HSD17B4: variants seen among roughly 807,000 people sequenced by gnomAD.
HSD17B4 encodes the protein hydroxysteroid 17-beta dehydrogenase 4.
A neutral mutation model predicts 101.0 loss-of-function variants in HSD17B4; 70 were observed. That is an observed-to-expected ratio of 0.69 (90% CI 0.57 to 0.85). HSD17B4 has a LOEUF of 0.85. Ranked by LOEUF, HSD17B4 falls within the 40% of genes least tolerant of loss-of-function variation. The pLI, the probability that HSD17B4 is intolerant of heterozygous loss-of-function variation, is 0.00. For synonymous variants in HSD17B4, 347 were observed against 297.1 expected (o/e 1.17, Z -1.73); for missense variants, 984 against 892.4 (o/e 1.10, Z -1.31).
In HSD17B4 at chr5:119,542,245, T is replaced by A. The variant is rs75769473; in HGVS notation, c.*251T>A. The A allele has an allele frequency of 3.1e-5, 9 of 289,600 alleles. No individual in the cohort carries two copies. 17.9% of individuals were successfully genotyped at this position (289,600 alleles called of 1,614,324 possible). A position where few individuals can be genotyped will look rare whatever the true frequency, so the allele number is the denominator to read the frequency against. ...AGATCTGTATCTTCATAATAAAAAATTTTGCCCAAGTCCTGTTTCCTTAGA... is the reference window on the plus strand; with the variant it reads ...AGATCTGTATCTTCATAATAAAAAAATTTGCCCAAGTCCTGTTTCCTTAGA... On this transcript the variant is annotated 3_prime_UTR_variant, in exon 24 of 24. Transcript: ENST00000510025.
chr5:119,505,089 G>T (rs1216760465), intron 14 of HSD17B4, among the ~76,000 whole-genome samples: 1 of 151,952 alleles, frequency 6.6e-6, no homozygotes, highest in Non-Finnish European at 1.5e-5. Flanking sequence ...TGGGTTCTCT[G>T]TTCTTTTCCA....
chr5:119,485,153 A>G (rs1266453155), intron 8 of HSD17B4, among the ~76,000 whole-genome samples: 2 of 152,090 alleles, frequency 1.3e-5, no homozygotes, highest in Non-Finnish European at 2.9e-5. Flanking sequence ...ACAAACCACT[A>G]GTTAGAATTT....
intron 14 of HSD17B4, among the ~76,000 whole-genome samples, chr5:119,506,409 T>C (rs1394909148): frequency 1.3e-5 from 2 of 152,230 alleles, no homozygotes; most frequent in Admixed American, 1.3e-4. Flanking sequence ...CTTTATCCAG[T>C]CTATTATTGA....
chr5:119,497,725 A>G (rs1750775720), intron 12 of HSD17B4, among the ~76,000 whole-genome samples: 1 of 152,202 alleles, frequency 6.6e-6, no homozygotes, highest in African/African-American at 2.4e-5. Context: ...TAAGCTATTT[A>G]TTGCTAAATG....
chr5:119,511,403 C>G (rs77806042), intron 16 of HSD17B4, among the ~76,000 whole-genome samples: 15,344 of 152,168 alleles, frequency 0.1, 944 homozygotes, highest in South Asian at 0.15. Flanking sequence ...GAAAAGCCCT[C>G]CTGGGATTGT....
chr5:119,469,984 A>G (rs1161627693), intron 2 of HSD17B4, among the ~76,000 whole-genome samples: 1 of 152,132 alleles, frequency 6.6e-6, no homozygotes, highest in Non-Finnish European at 1.5e-5. Context: ...GGTGCATGGT[A>G]GATCCTCCAT....
chr5:119,493,704 G>C (rs1750324059), intron 10 of HSD17B4, 114 bp from the exon 11 acceptor site: 1 of 957,726 alleles, frequency 1.0e-6, no homozygotes, highest in Admixed American at 2.0e-5. Context: ...TTAGGAGTTA[G>C]AATCCCTTTT....
At chr5:119,452,855 G>T in intron 1 of HSD17B4, 1 of 1,535,494 alleles carries the variant, frequency 6.5e-7, no homozygotes, top group Non-Finnish European at 8.7e-7. Context: ...CCCCGGTGTG[G>T]GCTTCCCAAG....
chr5:119,482,836 A>G (rs1445831598), intron 8 of HSD17B4, among the ~76,000 whole-genome samples: 2 of 151,530 alleles, frequency 1.3e-5, no homozygotes, highest in African/African-American at 4.8e-5. Flanking sequence ...CTTATTATTA[A>G]ATCTCCATTT....
At chr5:119,460,108 C>G (rs1250853210) in intron 2 of HSD17B4, among the ~76,000 whole-genome samples, 1 of 151,640 alleles carries the variant, frequency 6.6e-6, no homozygotes, top group Non-Finnish European at 1.5e-5. Flanking sequence ...ATCTCCTGAC[C>G]TCGTGATCCG....
intron 2 of HSD17B4, among the ~76,000 whole-genome samples, chr5:119,462,260 T>G (rs1474296120): frequency 8.4e-6 from 1 of 119,240 alleles, no homozygotes; most frequent in Non-Finnish European, 1.6e-5. Context: ...TTTTTTTTTT[T>G]TTTTTTTTTT....
At chr5:119,508,043 A>G (rs1054772371) in intron 15 of HSD17B4, among the ~76,000 whole-genome samples, 1 of 152,062 alleles carries the variant, frequency 6.6e-6, no homozygotes, top group Non-Finnish European at 1.5e-5. Context: ...TTAATAATCA[A>G]TTGAGAACAT....
At chr5:119,487,909 A>G (rs529075100) in intron 8 of HSD17B4, among the ~76,000 whole-genome samples, 13 of 152,230 alleles carry the variant, frequency 8.5e-5, no homozygotes, top group African/African-American at 2.9e-4. Context: ...TCGTGCATAT[A>G]ATGAAAAATG....
At chr5:119,529,560 C>G (rs1028196678) in intron 20 of HSD17B4, among the ~76,000 whole-genome samples, 5 of 141,614 alleles carry the variant, frequency 3.5e-5, no homozygotes, top group Admixed American at 7.4e-5. Context: ...ACTTCCCCCC[C>G]AAAAAATGCC....
intron 8 of HSD17B4, among the ~76,000 whole-genome samples, chr5:119,485,367 C>T (rs997346834): frequency 2.6e-5 from 4 of 152,120 alleles, no homozygotes; most frequent in African/African-American, 9.7e-5. Context: ...TTTATGCCTA[C>T]CATGCTCTAG....
chr5:119,533,485 T>C (rs1040188956), intron 22 of HSD17B4, among the ~76,000 whole-genome samples: 2 of 152,098 alleles, frequency 1.3e-5, no homozygotes, highest in Non-Finnish European at 2.9e-5. Context: ...ACTTAGCTAC[T>C]GATTATGTCT....
chr5:119,471,334 TATC>T (rs1561437580), intron 2 of HSD17B4, among the ~76,000 whole-genome samples: 1 of 152,324 alleles, frequency 6.6e-6, no homozygotes, highest in East Asian at 1.9e-4. Flanking sequence ...CAGTAAGACT[TATC>T]ATATTATACT....
At chr5:119,492,782 C>G (rs1750230466) in intron 10 of HSD17B4, 1 of 151,766 alleles carries the variant, frequency 6.6e-6, no homozygotes, top group African/African-American at 2.4e-5. Flanking sequence ...CTCTCCTACC[C>G]CATCTCTCAA....
At chr5:119,492,772 C>T (rs1206980085) in intron 10 of HSD17B4, 1 of 151,730 alleles carries the variant, frequency 6.6e-6, no homozygotes, top group Non-Finnish European at 1.5e-5. Flanking sequence ...GGCTTCAACC[C>T]TCTCCTACCC....
Sources: gnomAD v4.1 joint callset for allele counts (sites outside exome capture counted in the v4.1 genomes callset) on GRCh38, gnomAD v4.1.1 for gene constraint, MANE v1.5 for transcripts, NCBI Gene and HGNC (gene_info 2026-07-23, HGNC 2026-07-21) for gene names.